MARCHF8: variants seen among roughly 807,000 people sequenced by gnomAD.
MARCHF8 encodes the protein membrane associated ring-CH-type finger 8.
A neutral mutation model predicts 51.6 loss-of-function variants in MARCHF8; 40 were observed. The observed-to-expected ratio is 0.77, with a 90% CI of 0.60 to 1.01. MARCHF8 has a LOEUF of 1.01. MARCHF8 is among the 50% of genes least tolerant of loss of function. MARCHF8 has a pLI of 0.00. For missense variants in MARCHF8, 685 were observed against 708.6 expected (o/e 0.97, Z 0.38); for synonymous variants, 263 against 280.3 (o/e 0.94, Z 0.62).
At chr10:45,557,230 C>A (rs2044262349) in intron 1 of MARCHF8, among the ~76,000 whole-genome samples, 1 of 146,932 alleles carries the variant, frequency 6.8e-6, no homozygotes, top group Admixed American at 7.1e-5. Flanking sequence ...CTGGGTCAAG[C>A]GATTCTCCTT....
intron 3 of MARCHF8, among the ~76,000 whole-genome samples, chr10:45,488,288 A>G (rs2043020112): frequency 6.6e-6 from 1 of 152,124 alleles, no homozygotes; most frequent in South Asian, 2.1e-4. Context: ...CTTGTGGGAC[A>G]ACTTTTGCCT....
chr10:45,459,299 G>C (rs182711104), intron 6 of MARCHF8, 32 bp from the exon 7 acceptor site: 171 of 1,607,934 alleles, frequency 1.1e-4, no homozygotes, highest in Non-Finnish European at 1.4e-4. Flanking sequence ...TGAGGCTCAG[G>C]CTTCTGGGGA....
intron 2 of MARCHF8, among the ~76,000 whole-genome samples, chr10:45,508,111 G>A: frequency 6.6e-6 from 1 of 152,078 alleles, no homozygotes. Flanking sequence ...ATTTTCAAAT[G>A]TTTGGATGTC....
chr10:45,586,434 C>G (rs1466704475), intron 1 of MARCHF8, among the ~76,000 whole-genome samples: 1 of 152,110 alleles, frequency 6.6e-6, no homozygotes. Flanking sequence ...AAAGATTATA[C>G]TCTTTCCGGT....
intron 2 of MARCHF8, among the ~76,000 whole-genome samples, chr10:45,510,922 A>C (rs1398833469): frequency 1.3e-5 from 2 of 152,220 alleles, no homozygotes; most frequent in Non-Finnish European, 2.9e-5. Flanking sequence ...TCTATGGGGA[A>C]TATGTTGCCC....
intron 2 of MARCHF8, among the ~76,000 whole-genome samples, chr10:45,499,821 AACTTGTTT>A (rs2043246318): frequency 6.6e-6 from 1 of 152,198 alleles, no homozygotes; most frequent in Non-Finnish European, 1.5e-5. Context: ...GTACCACACT[AACTTGTTT>A]ACTGTAGCTT....
At chr10:45,470,539 A>T (rs1440752102) in intron 3 of MARCHF8, among the ~76,000 whole-genome samples, 1 of 152,184 alleles carries the variant, frequency 6.6e-6, no homozygotes. Context: ...TTTTAAGGTC[A>T]ACTGTGCCAC....
intron 2 of MARCHF8, among the ~76,000 whole-genome samples, chr10:45,528,853 T>C (rs72798210): frequency 6.6e-6 from 1 of 152,252 alleles, no homozygotes; most frequent in Non-Finnish European, 1.5e-5. Context: ...GACACAAACA[T>C]GATCATGGGT....
At position 45,461,292 on chromosome 10, in the gene MARCHF8, C is replaced by T. The variant is rs748603165; in HGVS notation, c.1208G>A (p.Arg403His). The T allele has an allele frequency of 8.6e-5, 138 of 1,602,136 alleles. 3 individuals carry two copies. In the South Asian group the frequency reaches 1.4e-3, roughly 16 times the overall value. The change falls in exon 6 of 8, where the codon CGC becomes CAC. Residue 403 changes from arginine to histidine, a missense_variant. Transcript: ENST00000453424. ...LQQWIKSSDT[R>H]CCELCKYEFI... ...CTCATACTTGCAGAGCTCGCAGCAG[C>T]GCGTGTCGGAGCTCTTGATCCACTG...
chr10:45,488,267 G>A (rs1157623047), intron 3 of MARCHF8, among the ~76,000 whole-genome samples: 1 of 152,122 alleles, frequency 6.6e-6, no homozygotes, highest in Non-Finnish European at 1.5e-5. Flanking sequence ...ATTTCAGGCG[G>A]CCAGGTGGGA....
intron 3 of MARCHF8, among the ~76,000 whole-genome samples, chr10:45,481,095 A>G (rs1052898460): frequency 3.3e-5 from 5 of 152,212 alleles, no homozygotes; most frequent in South Asian, 4.1e-4. Flanking sequence ...ATCACTTTGG[A>G]GCTTTAAGAA....
At chr10:45,513,223 A>T (rs1459432205) in intron 2 of MARCHF8, among the ~76,000 whole-genome samples, 8 of 138,806 alleles carry the variant, frequency 5.8e-5, no homozygotes, top group Non-Finnish European at 3.2e-5. Context: ...ATGATCAATT[A>T]AAAAAAAATA....
intron 2 of MARCHF8, among the ~76,000 whole-genome samples, chr10:45,501,727 T>C (rs1475096150): frequency 6.6e-6 from 1 of 152,054 alleles, no homozygotes; most frequent in Non-Finnish European, 1.5e-5. Flanking sequence ...GGGGAAAATA[T>C]TTGCAAATGA....
At chr10:45,576,234 G>A (rs977412169) in intron 1 of MARCHF8, among the ~76,000 whole-genome samples, 15 of 152,132 alleles carry the variant, frequency 9.9e-5, no homozygotes, top group African/African-American at 3.6e-4. Context: ...TGATTTTCAG[G>A]GGAGGCATCA....
intron 1 of MARCHF8, among the ~76,000 whole-genome samples, chr10:45,568,574 C>G (rs1001800791): frequency 1.3e-5 from 2 of 151,990 alleles, no homozygotes; most frequent in African/African-American, 4.8e-5. Context: ...CAAAAATTAG[C>G]TGGGTGTGGT....
intron 1 of MARCHF8, among the ~76,000 whole-genome samples, chr10:45,568,782 A>G (rs2044395504): frequency 6.6e-6 from 1 of 151,450 alleles, no homozygotes. Flanking sequence ...AAAAATTGCA[A>G]AACAAGCCGG....
chr10:45,464,536 G>A (rs1375103292), intron 3 of MARCHF8, among the ~76,000 whole-genome samples: 2 of 152,216 alleles, frequency 1.3e-5, no homozygotes, highest in Non-Finnish European at 2.9e-5. Flanking sequence ...TGTAAGAAAT[G>A]TCTAAGGCTA....
chr10:45,543,233 C>T (rs1464057706), intron 1 of MARCHF8, among the ~76,000 whole-genome samples: 1 of 152,216 alleles, frequency 6.6e-6, no homozygotes, highest in South Asian at 2.1e-4. Context: ...CTCTGCAGAT[C>T]TATCCCCTAT....
intron 1 of MARCHF8, among the ~76,000 whole-genome samples, chr10:45,573,065 G>C (rs1017163732): frequency 2.0e-5 from 3 of 151,922 alleles, no homozygotes; most frequent in African/African-American, 7.3e-5. Context: ...TTCTTTATCG[G>C]ACCTCTCCCA....
Sources: gnomAD v4.1 joint callset for allele counts (sites outside exome capture counted in the v4.1 genomes callset) on GRCh38, gnomAD v4.1.1 for gene constraint, MANE v1.5 for transcripts, NCBI Gene and HGNC (gene_info 2026-07-23, HGNC 2026-07-21) for gene names.